The following HIRA variants were observed in gnomAD, a reference collection of about 807,000 sequenced individuals.
The protein encoded by HIRA is protein HIRA.
Under a neutral mutation model 126.6 loss-of-function variants are expected in HIRA, and 13 were observed. The ratio of observed to expected loss-of-function variants is 0.10; its 90% confidence interval spans 0.07 to 0.16. The LOEUF (loss-of-function observed/expected upper bound fraction) is 0.16, where lower values mean the gene tolerates loss of function less well. Among genes scored for constraint, HIRA ranks in the 10% least tolerant of loss-of-function variants. The probability of loss-of-function intolerance (pLI) is 1.00; values close to 1 mark genes in which losing one functional copy is unlikely to be tolerated. For missense variants in HIRA, 834 were observed against 1,314.4 expected (o/e 0.63, Z 5.65); for synonymous variants, 511 against 520.0 (o/e 0.98, Z 0.24).
In HIRA at chr22:19,377,922, C is replaced by T. The variant is rs1569300507; in HGVS notation, c.1560G>A (p.Glu520=). The T allele has an allele frequency of 6.2e-7, 1 of 1,613,760 alleles. No individual in the cohort carries two copies. The highest frequency in any genetic ancestry group is 8.5e-7 in the Non-Finnish European group (1 of 1,179,862). ...GTCTGGCACTGGCAGCCACCACAGG[C>T]TCTGTGCAAGGCTTCGAGGCGCCGA... ...NSFGASKPCT[E]PVVAASARPA... is the part of the protein sequence containing the mutation. The change falls in exon 14 of 25, where the codon GAG becomes GAA. Residue 520 remains glutamate (E), a synonymous_variant. Coordinates refer to ENST00000263208, the MANE Select transcript of HIRA (RefSeq NM_003325.4).
chr22:19,415,815 A>G (rs1218376078), intron 1 of HIRA, among the ~76,000 whole-genome samples: 1 of 152,192 alleles, frequency 6.6e-6, no homozygotes, highest in Non-Finnish European at 1.5e-5. Context: ...CAAAACTCTT[A>G]AAAGTGATTT....
At chr22:19,405,664 G>T in intron 5 of HIRA, 122 bp downstream of exon 5, 1 of 860,374 alleles carries the variant, frequency 1.2e-6, no homozygotes, top group Non-Finnish European at 1.6e-6. Context: ...TTGTGATGGG[G>T]TGGGACAGCC....
intron 17 of HIRA, 24 bp from the exon 18 acceptor site, chr22:19,359,508 C>A: frequency 6.3e-7 from 1 of 1,578,094 alleles, no homozygotes; most frequent in African/African-American, 1.4e-5. Context: ...ACACACGGGT[C>A]TGCTCAGACA....
At chr22:19,412,543 C>T (rs1477712435) in intron 1 of HIRA, among the ~76,000 whole-genome samples, 11 of 152,236 alleles carry the variant, frequency 7.2e-5, no homozygotes, top group African/African-American at 2.2e-4. Context: ...TTCTAGCTGA[C>T]AGCTTTGGTC....
chr22:19,420,040 TTGTGTGTGTGTG>T (rs59900884), intron 1 of HIRA, among the ~76,000 whole-genome samples: 1 of 147,318 alleles, frequency 6.8e-6, no homozygotes, highest in African/African-American at 2.5e-5. Context: ...CATACAACCA[TTGTGTGTGTGTG>T]TGTGTGTGTG....
At position 19,331,028 on chromosome 22, in the gene HIRA, C is replaced by G. The variant is rs1322853059; in HGVS notation, c.*412G>C. On this transcript the variant is annotated 3_prime_UTR_variant, in exon 25 of 25. Transcript: ENST00000263208. ...CCTTTTACATAGGTCTTAGGTCAGT[C>G]TGCTGTAATACCTAACGCTTCCGGA... 1 of 672,886 alleles carries G rather than the reference C, an allele frequency of 1.5e-6. No homozygotes were observed. Among genetic ancestry groups the G allele is most frequent in the African/African-American group, 1.9e-5 (1 of 52,840 alleles). 41.7% of individuals were successfully genotyped at this position (672,886 alleles called of 1,614,324 possible). A position where few individuals can be genotyped will look rare whatever the true frequency, so the allele number is the denominator to read the frequency against.
intron 13 of HIRA, among the ~76,000 whole-genome samples, chr22:19,380,509 C>G (rs1310887557): frequency 6.6e-6 from 1 of 152,214 alleles, no homozygotes; most frequent in African/African-American, 2.4e-5. Context: ...TGAGTTATGA[C>G]AGCTTTTAAG....
chr22:19,405,170 C>T (rs1409539387), intron 5 of HIRA, among the ~76,000 whole-genome samples: 1 of 152,128 alleles, frequency 6.6e-6, no homozygotes, highest in African/African-American at 2.4e-5. Context: ...CCATTCACAC[C>T]AAGACTTTCT....
At chr22:19,383,553 G>A in intron 13 of HIRA, 67 bp downstream of exon 13, 1 of 1,287,928 alleles carries the variant, frequency 7.8e-7, no homozygotes, top group South Asian at 1.2e-5. Context: ...CTGTGAAAGT[G>A]TTAACCGCTG....
At chr22:19,413,174 G>A (rs552147636) in intron 1 of HIRA, among the ~76,000 whole-genome samples, 89 of 152,262 alleles carry the variant, frequency 5.8e-4, no homozygotes, top group African/African-American at 2.0e-3. Flanking sequence ...AAGGAGCTGA[G>A]ACATTTCTCT....
At chr22:19,380,936 T>A (rs1383030667) in intron 13 of HIRA, among the ~76,000 whole-genome samples, 1 of 152,216 alleles carries the variant, frequency 6.6e-6, no homozygotes, top group Non-Finnish European at 1.5e-5. Context: ...TTTTTCCACA[T>A]AACTTTATAG....
At chr22:19,416,373 G>A (rs1230880092) in intron 1 of HIRA, among the ~76,000 whole-genome samples, 1 of 151,860 alleles carries the variant, frequency 6.6e-6, no homozygotes, top group South Asian at 2.1e-4. Flanking sequence ...GCCCAGGCTG[G>A]AGTGCAGTGG....
rs537980182 is a variant in HIRA, at chr22:19,375,028, C to T, written c.1775+603G>A. ...GCCAATGGCAGAGGCTGCAGACATT[C>T]GCTCTGGCCACCTCAGGAGGATGCA... On this transcript the variant is annotated intron_variant, in intron 15 of 24. Coordinates refer to ENST00000263208, the MANE Select transcript of HIRA (RefSeq NM_003325.4). Among the ~76,000 whole-genome samples the T allele has an allele frequency of 1.8e-3, 279 of 152,322 alleles. 1 individual carries two copies. The highest frequency in any genetic ancestry group is 3.3e-3 in the Non-Finnish European group (226 of 68,022).
At chr22:19,431,002 T>A (rs1314472165) in intron 1 of HIRA, among the ~76,000 whole-genome samples, 2 of 152,190 alleles carry the variant, frequency 1.3e-5, no homozygotes, top group Non-Finnish European at 2.9e-5. Context: ...AGAGGGGCAG[T>A]AACAGTCCCT....
intron 5 of HIRA, 26 bp downstream of exon 5, chr22:19,405,760 C>T (rs746489173): frequency 6.6e-6 from 9 of 1,366,108 alleles, no homozygotes; most frequent in South Asian, 3.8e-5. Flanking sequence ...AGGGGCCCAC[C>T]CACCCCAACA....
intron 1 of HIRA, among the ~76,000 whole-genome samples, chr22:19,415,367 CTT>C (rs2089387522): frequency 6.6e-6 from 1 of 152,158 alleles, no homozygotes; most frequent in South Asian, 2.1e-4. Context: ...TAGGAATAAA[CTT>C]AGCCCAGGAG....
chr22:19,388,911 T>C (rs2089151782), intron 9 of HIRA, among the ~76,000 whole-genome samples: 2 of 152,126 alleles, frequency 1.3e-5, no homozygotes, highest in South Asian at 2.1e-4. Context: ...AGAGGGTCTA[T>C]GGAGCAGGAG....
At chr22:19,388,926 G>A (rs1033640243) in intron 9 of HIRA, among the ~76,000 whole-genome samples, 6 of 152,154 alleles carry the variant, frequency 3.9e-5, no homozygotes, top group African/African-American at 4.8e-5. Context: ...CAGGAGACAC[G>A]ATGCCAAAGC....
At chr22:19,343,820 G>A (rs1338365104) in intron 24 of HIRA, among the ~76,000 whole-genome samples, 3 of 151,640 alleles carry the variant, frequency 2.0e-5, no homozygotes, top group Non-Finnish European at 2.9e-5. Context: ...CCAGCTACTC[G>A]GGAGGCAGAG....
Sources: allele counts gnomAD v4.1 joint callset (sites outside exome capture counted in the v4.1 genomes callset), GRCh38; gene constraint gnomAD v4.1.1; transcripts MANE v1.5; gene names NCBI Gene and HGNC (gene_info 2026-07-23, HGNC 2026-07-21).